The following EPB41L3 variants were observed in gnomAD, a reference collection of about 807,000 sequenced individuals.
EPB41L3 encodes band 4.1-like protein 3.
A neutral mutation model predicts 127.1 loss-of-function variants in EPB41L3; 57 were observed. The ratio of observed to expected loss-of-function variants is 0.45; its 90% confidence interval spans 0.36 to 0.56. The LOEUF is 0.56. Among genes scored for constraint, EPB41L3 ranks in the 20% least tolerant of loss-of-function variants. EPB41L3 has a pLI of 0.00. For synonymous variants in EPB41L3, 572 were observed against 549.5 expected, an observed-to-expected ratio of 1.04 and a Z score of -0.57; for missense variants, 1,273 against 1,372.2, an observed-to-expected ratio of 0.93 and a Z score of 1.14.
intron 1 of EPB41L3, among the ~76,000 whole-genome samples, chr18:5,616,065 T>A (rs886268909): frequency 6.6e-6 from 1 of 152,098 alleles, no homozygotes; most frequent in East Asian, 1.9e-4. Context: ...CCCTTGGTAA[T>A]CTCATGGGTT....
intron 16 of EPB41L3, among the ~76,000 whole-genome samples, chr18:5,403,685 A>C (rs2074899910): frequency 6.6e-6 from 1 of 151,934 alleles, no homozygotes; most frequent in South Asian, 2.1e-4. Context: ...ACACAAAATA[A>C]CCACTACTTT....
At chr18:5,571,161 T>A (rs771339645) in intron 3 of EPB41L3, among the ~76,000 whole-genome samples, 15 of 152,208 alleles carry the variant, frequency 9.9e-5, no homozygotes, top group South Asian at 2.1e-4. Flanking sequence ...GTGAACACAT[T>A]TGAAAGCATT....
At chr18:5,536,847 GAAAC>G (rs1568529858) in intron 1 of EPB41L3, among the ~76,000 whole-genome samples, 2 of 151,646 alleles carry the variant, frequency 1.3e-5, no homozygotes, top group African/African-American at 2.4e-5. Context: ...ACAAACAAAC[GAAAC>G]AAACAAACAA....
intron 3 of EPB41L3, among the ~76,000 whole-genome samples, chr18:5,584,354 A>G (rs1398794843): frequency 2.6e-5 from 4 of 152,118 alleles, no homozygotes; most frequent in Non-Finnish European, 4.4e-5. Flanking sequence ...GAAACATTCA[A>G]TATGTGTGGT....
chr18:5,540,109 A>T (rs943547888), intron 1 of EPB41L3, among the ~76,000 whole-genome samples: 1 of 152,208 alleles, frequency 6.6e-6, no homozygotes, highest in Non-Finnish European at 1.5e-5. Flanking sequence ...GAACAGTAAG[A>T]AATATGTTGC....
intron 3 of EPB41L3, among the ~76,000 whole-genome samples, chr18:5,450,403 C>T (rs1209054571): frequency 6.7e-6 from 1 of 148,834 alleles, no homozygotes; most frequent in African/African-American, 2.5e-5. Context: ...CACACTAATG[C>T]AAAATGTTAA....
At chr18:5,425,967 G>A (rs1198944508) in intron 9 of EPB41L3, among the ~76,000 whole-genome samples, 1 of 152,086 alleles carries the variant, frequency 6.6e-6, no homozygotes, top group Non-Finnish European at 1.5e-5. Context: ...CACATCCTGC[G>A]TGCCCTTTCT....
chr18:5,515,649 T>C (rs2092719904), intron 1 of EPB41L3, among the ~76,000 whole-genome samples: 1 of 152,198 alleles, frequency 6.6e-6, no homozygotes, highest in Non-Finnish European at 1.5e-5. Flanking sequence ...CTCCCCCTCC[T>C]GTCTCAAAAT....
chr18:5,483,825 T>G (rs2148090331), intron 2 of EPB41L3, among the ~76,000 whole-genome samples: 1 of 151,250 alleles, frequency 6.6e-6, no homozygotes, highest in South Asian at 2.1e-4. Context: ...ATATAAAACA[T>G]TCGTAAATCT....
intron 3 of EPB41L3, among the ~76,000 whole-genome samples, chr18:5,564,123 C>T (rs1476695738): frequency 3.9e-5 from 6 of 152,100 alleles, no homozygotes; most frequent in Non-Finnish European, 8.8e-5. Flanking sequence ...CAAGCGGCCT[C>T]ACCAGGGCGA....
At chr18:5,590,422 A>C (rs1406057731) in intron 3 of EPB41L3, among the ~76,000 whole-genome samples, 1 of 152,176 alleles carries the variant, frequency 6.6e-6, no homozygotes, top group Non-Finnish European at 1.5e-5. Flanking sequence ...GATGCAGAGC[A>C]CCTGGGACTC....
chr18:5,504,176 C>T (rs2148559305), intron 1 of EPB41L3, among the ~76,000 whole-genome samples: 1 of 152,308 alleles, frequency 6.6e-6, no homozygotes, highest in East Asian at 1.9e-4. Context: ...TTAGTGACAA[C>T]TCCAATCTGG....
chr18:5,424,456 T>A, intron 9 of EPB41L3, 97 bp from the exon 10 acceptor site: 6 of 963,164 alleles, frequency 6.2e-6, no homozygotes, highest in South Asian at 5.4e-5. Flanking sequence ...ACCAGAATTT[T>A]AAAAATTTAC....
intron 3 of EPB41L3, among the ~76,000 whole-genome samples, chr18:5,560,297 G>A (rs1014030749): frequency 6.6e-6 from 1 of 152,270 alleles, no homozygotes; most frequent in South Asian, 2.1e-4. Flanking sequence ...TGAGTGATGG[G>A]TGAAGAACAG....
At chr18:5,604,546 C>T (rs1391020407) in intron 3 of EPB41L3, among the ~76,000 whole-genome samples, 1 of 152,086 alleles carries the variant, frequency 6.6e-6, no homozygotes, top group Non-Finnish European at 1.5e-5. Context: ...CTCCGCCTTC[C>T]GAGTTCAAGT....
chr18:5,410,295 C>T, intron 14 of EPB41L3, among the ~76,000 whole-genome samples: 1 of 151,996 alleles, frequency 6.6e-6, no homozygotes, highest in Non-Finnish European at 1.5e-5. Context: ...GTCAATATCG[C>T]CTGGGAACTT....
chr18:5,406,969 C>T lies in EPB41L3; in HGVS notation c.2158-1G>A. 1 of 1,613,528 alleles carries T rather than the reference C, an allele frequency of 6.2e-7. No individual in the cohort carries two copies. The highest frequency in any genetic ancestry group is 8.5e-7 in the Non-Finnish European group (1 of 1,179,440). On this transcript the variant is annotated splice_acceptor_variant, in intron 15 of 22. Coordinates refer to ENST00000341928, the MANE Select transcript of EPB41L3 (RefSeq NM_012307.5). LOFTEE classifies it high-confidence loss of function. Reference sequence around the variant, plus strand: ...GGTCATCTTGAGTTTTTTCTAGCTCCTATATTCAGAACATAAAGTATCCAA... The same window carrying T: ...GGTCATCTTGAGTTTTTTCTAGCTCTTATATTCAGAACATAAAGTATCCAA...
chr18:5,566,314 A>G (rs893356031), intron 3 of EPB41L3, among the ~76,000 whole-genome samples: 1 of 152,204 alleles, frequency 6.6e-6, no homozygotes, highest in African/African-American at 2.4e-5. Context: ...ATTCTTATAC[A>G]CCAATAACAA....
chr18:5,603,307 G>T (rs533934453), intron 3 of EPB41L3, among the ~76,000 whole-genome samples: 9 of 152,220 alleles, frequency 5.9e-5, no homozygotes, highest in African/African-American at 1.9e-4. Context: ...ATGAGCTAAG[G>T]CCCGCCTCCA....
Sources: gnomAD v4.1 joint callset for allele counts (sites outside exome capture counted in the v4.1 genomes callset) on GRCh38, gnomAD v4.1.1 for gene constraint, MANE v1.5 for transcripts, NCBI Gene and HGNC (gene_info 2026-07-23, HGNC 2026-07-21) for gene names.